SSU72: variants seen among roughly 807,000 people sequenced by gnomAD.
SSU72 encodes SSU72 homolog, RNA polymerase II CTD phosphatase, also known as RNA polymerase II subunit A C-terminal domain phosphatase SSU72.
A neutral mutation model predicts 22.7 loss-of-function variants in SSU72; 12 were observed. That is an observed-to-expected ratio of 0.53 (90% confidence interval 0.34 to 0.86). The LOEUF is 0.86. Among genes scored for constraint, SSU72 ranks in the 40% least tolerant of loss-of-function variants. SSU72 has a pLI of 0.02. For synonymous variants in SSU72, 116 were observed against 98.3 expected (o/e 1.18, Z -1.06); for missense variants, 151 against 249.8 (o/e 0.60, Z 2.67).
At chr1:1,564,497 C>G (rs890698983) in intron 2 of SSU72, 11 of 1,494,712 alleles carry the variant, frequency 7.4e-6, no homozygotes, top group Non-Finnish European at 1.8e-6. Context: ...CTAAGCATCC[C>G]TGGTCTACGC....
At chr1:1,566,770 C>T (rs957917779) in intron 1 of SSU72, among the ~76,000 whole-genome samples, 1 of 151,826 alleles carries the variant, frequency 6.6e-6, no homozygotes, top group Non-Finnish European at 1.5e-5. Flanking sequence ...AGGAGAATGA[C>T]TTGAATCCGG....
intron 1 of SSU72, 118 bp from the exon 2 acceptor site, chr1:1,565,034 A>C: frequency 1.5e-6 from 2 of 1,355,894 alleles, no homozygotes; most frequent in Non-Finnish European, 2.0e-6. Flanking sequence ...ATAGTAGAGA[A>C]TATGTCTTCA....
intron 2 of SSU72, among the ~76,000 whole-genome samples, chr1:1,549,637 G>C (rs911966611): frequency 1.3e-5 from 2 of 151,602 alleles, no homozygotes; most frequent in African/African-American, 4.9e-5. Flanking sequence ...TCAGGAGTTC[G>C]AGACCAGCCT....
intron 1 of SSU72, among the ~76,000 whole-genome samples, chr1:1,571,244 C>CAAAAAAAA (rs753699933): frequency 1.9e-4 from 9 of 46,896 alleles, no homozygotes; most frequent in Non-Finnish European, 2.7e-4. Flanking sequence ...GACTCCATCT[C>CAAAAAAAA]AAAAAAAAAA....
rs1027213889 is a variant in SSU72 at position 1,542,387 on chromosome 1, A to AAGCTGGGAGG, written c.484-230_484-221dup. Among the ~76,000 whole-genome samples the AAGCTGGGAGG allele has an allele frequency of 6.6e-6, 1 of 152,090 alleles. No homozygotes were observed. Among genetic ancestry groups the AAGCTGGGAGG allele is most frequent in the African/African-American group, 2.4e-5 (1 of 41,412 alleles). ...TCCCCACCGACCCTCACAGGACCTG[A>AAGCTGGGAGG]AGCTGGGAGGAGCTGGGAGGAGCCT... is the stretch of plus-strand genomic sequence containing the variant. On this transcript the variant is annotated intron_variant, in intron 4 of 4. Transcript: ENST00000291386. The surrounding 1 kb of genome is among the most constrained non-coding windows in gnomAD (Gnocchi z 4.4).
At chr1:1,547,830 A>C (rs552464315) in intron 2 of SSU72, among the ~76,000 whole-genome samples, 47 of 152,178 alleles carry the variant, frequency 3.1e-4, no homozygotes, top group Non-Finnish European at 5.3e-4. Flanking sequence ...GCCGGGCGGG[A>C]GGAAGGGGAG....
Position 1,543,961 on chromosome 1 carries a change from A to G in SSU72, c.391T>C (p.Cys131Arg). 1.2e-6 allele frequency: 2 copies of G among 1,613,826 alleles called. No homozygotes were observed. Among genetic ancestry groups the G allele is most frequent in the Non-Finnish European group, 8.5e-7 (1 of 1,179,896 alleles). The change falls in exon 4 of 5, where the codon TGC (cysteine) becomes CGC (arginine). Residue 131 changes from cysteine (C) to arginine (R), a missense_variant. Coordinates refer to ENST00000291386, the MANE Select transcript of SSU72 (RefSeq NM_014188.3). Reference sequence around the variant, plus strand: ...ACATTGACCACGTGCACAGGCTGGCAGGTCTCCTGTTCTCTGGAATTCAGA... The same window carrying G: ...ACATTGACCACGTGCACAGGCTGGCGGGTCTCCTGTTCTCTGGAATTCAGA... ...EDLNSREQETCQPVHVVNVDI... is the reference protein window; with the variant it reads ...EDLNSREQETRQPVHVVNVDI...
chr1:1,545,664 C>G (rs915296103), intron 2 of SSU72: 1 of 152,292 alleles, frequency 6.6e-6, no homozygotes, highest in Non-Finnish European at 1.5e-5. Context: ...AAAAATTAGA[C>G]GGACATAGTG....
At chr1:1,551,110 A>G (rs1242323044) in intron 2 of SSU72, among the ~76,000 whole-genome samples, 2 of 152,128 alleles carry the variant, frequency 1.3e-5, no homozygotes, top group East Asian at 3.8e-4. Context: ...AAATGTCCAC[A>G]CCCCAGGCAA....
chr1:1,572,300 C>T (rs1642740812), intron 1 of SSU72, among the ~76,000 whole-genome samples: 1 of 138,862 alleles, frequency 7.2e-6, no homozygotes, highest in African/African-American at 2.6e-5. Flanking sequence ...TGGTGGCGGG[C>T]GCCTGTAGTC....
In SSU72 at chr1:1,554,670, G is replaced by A. The variant is rs1642498400; in HGVS notation, c.225-9668C>T. 6.6e-6 allele frequency among the ~76,000 whole-genome samples: 1 copy of A among 152,092 alleles called. No individual in the cohort carries two copies. Among genetic ancestry groups the A allele is most frequent in the Non-Finnish European group, 1.5e-5 (1 of 68,000 alleles). ...CTATGAGTCACCAGGGACTTGAAAG[G>A]GAACCCACAGGCACTGCCACGCCAG... On this transcript the variant is annotated intron_variant, in intron 2 of 4. Coordinates refer to ENST00000291386, the MANE Select transcript of SSU72 (RefSeq NM_014188.3). This position sits in a 1 kb window ranked among gnomAD's most constrained non-coding sequence, Gnocchi z 4.1.
Position 1,559,912 on chromosome 1 carries a change from C to T in SSU72, c.224+4861G>A, listed in dbSNP as rs149359317. Among the ~76,000 whole-genome samples, 335 of 152,108 alleles carry T rather than the reference C, an allele frequency of 2.2e-3. 1 individual carries two copies. The highest frequency in any genetic ancestry group is 7.2e-3 in the African/African-American group (300 of 41,496). ...GCTAATTTTTTATTTTTAGTAGAGACGGGGGTTTCTCCATTTTGGTCAGGC... is the reference window on the plus strand; with the variant it reads ...GCTAATTTTTTATTTTTAGTAGAGATGGGGGTTTCTCCATTTTGGTCAGGC... On this transcript the variant is annotated intron_variant, in intron 2 of 4. Transcript: ENST00000291386.
At chr1:1,559,992 T>C (rs1642567566) in intron 2 of SSU72, among the ~76,000 whole-genome samples, 1 of 152,136 alleles carries the variant, frequency 6.6e-6, no homozygotes, top group Non-Finnish European at 1.5e-5. Flanking sequence ...CCCAAAGTGC[T>C]GGGATTACAG....
chr1:1,550,655 G>A (rs1279540954), intron 2 of SSU72, among the ~76,000 whole-genome samples: 1 of 152,188 alleles, frequency 6.6e-6, no homozygotes, highest in Non-Finnish European at 1.5e-5. Context: ...GGACGAGGCA[G>A]TGATCTCGCC....
chr1:1,553,307 G>C (rs1019257854), intron 2 of SSU72, among the ~76,000 whole-genome samples: 1 of 151,934 alleles, frequency 6.6e-6, no homozygotes, highest in East Asian at 1.9e-4. Context: ...CTCCACCCCA[G>C]GACATTCCAG....
chr1:1,558,531 G>A (rs567581845), intron 2 of SSU72, among the ~76,000 whole-genome samples: 13 of 152,304 alleles, frequency 8.5e-5, no homozygotes, highest in East Asian at 7.7e-4. Flanking sequence ...ATGCACTTGC[G>A]TTTCACAGGA....
rs746095016 is a variant in SSU72, at chr1:1,542,052, T to G, written c.*14A>C. On this transcript the variant is annotated 3_prime_UTR_variant, in exon 5 of 5. Coordinates refer to ENST00000291386, the MANE Select transcript of SSU72 (RefSeq NM_014188.3). The surrounding 1 kb of genome is among the most constrained non-coding windows in gnomAD (Gnocchi z 4.4). ...ACAGGAAGCTCCAGAGGCGGCTCCA[T>G]GCGGGCGCTGGGCTCAGTAGAAGCA... is the stretch of plus-strand genomic sequence containing the variant. 3 of 1,563,762 alleles carry G rather than the reference T, an allele frequency of 1.9e-6. No homozygotes were observed. In the East Asian group the frequency reaches 7.1e-5, roughly 37 times the overall value.
At chr1:1,552,762 T>C (rs1185370602) in intron 2 of SSU72, among the ~76,000 whole-genome samples, 1 of 152,208 alleles carries the variant, frequency 6.6e-6, no homozygotes, top group East Asian at 1.9e-4. Context: ...GCCTCACTCC[T>C]GTAATCCCTG....
chr1:1,550,341 G>A (rs900590033), intron 2 of SSU72, among the ~76,000 whole-genome samples: 3 of 152,282 alleles, frequency 2.0e-5, no homozygotes, highest in Admixed American at 6.5e-5. Context: ...TCTTGGCAAC[G>A]TGTTATTCTG....
Sources: allele counts gnomAD v4.1 joint callset (sites outside exome capture counted in the v4.1 genomes callset), GRCh38; gene constraint gnomAD v4.1.1; non-coding constraint Gnocchi (gnomAD v3.1); transcripts MANE v1.5; gene names NCBI Gene and HGNC (gene_info 2026-07-23, HGNC 2026-07-21).